Variants in TRAF3IP1 observed in about 807,000 individuals in gnomAD.
The protein encoded by TRAF3IP1 is TRAF3-interacting protein 1.
Under a neutral mutation model 89.9 loss-of-function variants are expected in TRAF3IP1, and 53 were observed. That is an observed-to-expected ratio of 0.59 (90% CI 0.47 to 0.74). The LOEUF is 0.74. Ranked by LOEUF, TRAF3IP1 falls within the 30% of genes least tolerant of loss-of-function variation. TRAF3IP1 has a pLI of 0.00. For synonymous variants in TRAF3IP1, 311 were observed against 322.1 expected, an observed-to-expected ratio of 0.97 and a Z score of 0.37; for missense variants, 806 against 866.1, an observed-to-expected ratio of 0.93 and a Z score of 0.87.
At chr2:238,384,037 T>A (rs989238078) in intron 15 of TRAF3IP1, among the ~76,000 whole-genome samples, 1 of 152,192 alleles carries the variant, frequency 6.6e-6, no homozygotes, top group Non-Finnish European at 1.5e-5. Flanking sequence ...TCCACTGGCT[T>A]GTTCTCTGAT....
rs1045735461 is a variant in TRAF3IP1, at chr2:238,370,197, ATG to A, written c.1689+14123_1689+14124del. Among the ~76,000 whole-genome samples, 7 of 151,712 alleles carry A rather than the reference ATG, an allele frequency of 4.6e-5. 1 individual carries two copies. The highest frequency in any genetic ancestry group is 9.7e-5 in the African/African-American group (4 of 41,222). ...TATGCGTGTGTGCATGTCTGTATGT[ATG>A]TGTGTATATATGTGAACGTGTATGT... is the stretch of plus-strand genomic sequence containing the variant. On this transcript the variant is annotated intron_variant, in intron 15 of 16. Transcript: ENST00000373327.
At chr2:238,367,854 CCA>C (rs1699950332) in intron 15 of TRAF3IP1, among the ~76,000 whole-genome samples, 1 of 152,200 alleles carries the variant, frequency 6.6e-6, no homozygotes, top group Non-Finnish European at 1.5e-5. Flanking sequence ...CCAGCATGCC[CCA>C]GGCCCGGAGC....
rs1051516981 is a variant in TRAF3IP1, at chr2:238,400,802, A to G, written c.*1883A>G. ...CCAAAAATTGCATACATTGTATGTA[A>G]GTAAAATTTTTTATGAAGTAGTCTG... On this transcript the variant is annotated 3_prime_UTR_variant, in exon 17 of 17. Transcript: ENST00000373327. 1 of 152,250 alleles carries G rather than the reference A, an allele frequency of 6.6e-6. No individual in the cohort carries two copies. The highest frequency in any genetic ancestry group is 1.5e-5 in the Non-Finnish European group (1 of 68,042). The allele number at this position is 152,250 out of a possible 1,614,324, so 9.4% of individuals were successfully genotyped here. A position where few individuals can be genotyped will look rare whatever the true frequency, so the allele number is the denominator to read the frequency against.
At chr2:238,342,120 C>T (rs1368113946) in intron 8 of TRAF3IP1, among the ~76,000 whole-genome samples, 1 of 152,088 alleles carries the variant, frequency 6.6e-6, no homozygotes, top group African/African-American at 2.4e-5. Flanking sequence ...TCCTGAGTAG[C>T]TGGGATTACA....
chr2:238,357,758 A>G (rs984157168), intron 15 of TRAF3IP1, among the ~76,000 whole-genome samples: 1 of 152,198 alleles, frequency 6.6e-6, no homozygotes, highest in Admixed American at 6.5e-5. Flanking sequence ...AAAACCCTGA[A>G]TGTGTCCCTC....
intron 10 of TRAF3IP1, 121 bp from the exon 11 acceptor site, chr2:238,348,643 T>A: frequency 1.2e-6 from 1 of 806,518 alleles, no homozygotes; most frequent in South Asian, 1.7e-5. Flanking sequence ...CTCATTTGTA[T>A]TTGCAATTAC....
chr2:238,360,359 G>T (rs955967069), intron 15 of TRAF3IP1, among the ~76,000 whole-genome samples: 3 of 152,150 alleles, frequency 2.0e-5, no homozygotes, highest in African/African-American at 7.2e-5. Flanking sequence ...GGGTGCTATG[G>T]CTCACACCTG....
At chr2:238,349,523 T>A in intron 12 of TRAF3IP1, 115 bp downstream of exon 12, 1 of 1,067,996 alleles carries the variant, frequency 9.4e-7, no homozygotes, top group Admixed American at 2.2e-5. Flanking sequence ...AACATGCTAT[T>A]GAGGAACAAA....
chr2:238,327,580 G>A (rs1574891706), intron 3 of TRAF3IP1, among the ~76,000 whole-genome samples: 1 of 152,086 alleles, frequency 6.6e-6, no homozygotes, highest in East Asian at 1.9e-4. Flanking sequence ...TTTTATTATT[G>A]TGTTAAAGTC....
intron 15 of TRAF3IP1, among the ~76,000 whole-genome samples, chr2:238,393,880 C>T (rs974191501): frequency 6.6e-6 from 1 of 152,176 alleles, no homozygotes; most frequent in African/African-American, 2.4e-5. Flanking sequence ...GTCAATACTG[C>T]ACTGTCTTGA....
Position 238,351,864 on chromosome 2 carries a change from T to TGC in TRAF3IP1, c.1452-962_1452-961insCG, listed in dbSNP as rs1247267370. On this transcript the variant is annotated intron_variant, in intron 12 of 16. Coordinates refer to ENST00000373327, the MANE Select transcript of TRAF3IP1 (RefSeq NM_015650.4). This position sits in a 1 kb window ranked among gnomAD's most constrained non-coding sequence, Gnocchi z 5.2. ...GTGTGTGTGTGTGTGTGTGTGTGTG[T>TGC]GTGCGCGCGCGCGCGTGTGCGTGCA... is the stretch of plus-strand genomic sequence containing the variant. 0.019 allele frequency among the ~76,000 whole-genome samples: 2,175 copies of TGC among 112,190 alleles called. 20 individuals are homozygous for TGC. Among genetic ancestry groups the TGC allele is most frequent in the Non-Finnish European group, 0.024 (1,354 of 56,686 alleles). 73.6% of individuals were successfully genotyped at this position (112,190 alleles called of 152,430 possible).
Position 238,351,852 on chromosome 2 carries a change from TGTGTGTGTGTGTGTGC to T in TRAF3IP1, c.1452-973_1452-958del, listed in dbSNP as rs753655563. On this transcript the variant is annotated intron_variant, in intron 12 of 16. Transcript: ENST00000373327. The surrounding 1 kb of genome is among the most constrained non-coding windows in gnomAD (Gnocchi z 5.2). The stretch of plus-strand genomic sequence containing the variant: ...GGATTTTGGTGTGTGTGTGTGTGTG[TGTGTGTGTGTGTGTGC>T]GCGCGCGCGCGTGTGCGTGCATGTG... Among the ~76,000 whole-genome samples, 10 of 116,084 alleles carry T rather than the reference TGTGTGTGTGTGTGTGC, an allele frequency of 8.6e-5. No individual in the cohort carries two copies. Among genetic ancestry groups the T allele is most frequent in the South Asian group, 8.1e-4 (3 of 3,718 alleles). The allele number at this position is 116,084 out of a possible 152,430, so 76.2% of individuals were successfully genotyped here. A position where few individuals can be genotyped will look rare whatever the true frequency, so the allele number is the denominator to read the frequency against.
intron 15 of TRAF3IP1, among the ~76,000 whole-genome samples, chr2:238,359,689 T>C (rs1699577521): frequency 6.6e-6 from 1 of 152,226 alleles, no homozygotes; most frequent in South Asian, 2.1e-4. Context: ...TGAACATTAA[T>C]GTTCAAGTCT....
At chr2:238,393,965 G>A (rs1011446925) in intron 15 of TRAF3IP1, among the ~76,000 whole-genome samples, 1 of 152,200 alleles carries the variant, frequency 6.6e-6, no homozygotes, top group African/African-American at 2.4e-5. Context: ...TTGGGAGGCC[G>A]AGATGGGAGG....
chr2:238,335,137 A>T (rs1698323633), intron 7 of TRAF3IP1, among the ~76,000 whole-genome samples: 1 of 152,110 alleles, frequency 6.6e-6, no homozygotes, highest in Admixed American at 6.5e-5. Context: ...TGTTTCTACT[A>T]ATTATATTTG....
rs1461337049 is a variant in TRAF3IP1 at position 238,379,011 on chromosome 2, G to A, written c.1690-18448G>A. Among the ~76,000 whole-genome samples the A allele has an allele frequency of 1.3e-5, 2 of 152,144 alleles. No individual in the cohort carries two copies. The highest frequency in any genetic ancestry group is 1.9e-4 in the East Asian group (1 of 5,176). ...GTGCCCTCTGTGGGACTCAGCGTTCGGTCCCCACCTCAGGCAGCCTGGCGC... is the reference window on the plus strand; with the variant it reads ...GTGCCCTCTGTGGGACTCAGCGTTCAGTCCCCACCTCAGGCAGCCTGGCGC... On this transcript the variant is annotated intron_variant, in intron 15 of 16. Coordinates refer to ENST00000373327, the MANE Select transcript of TRAF3IP1 (RefSeq NM_015650.4). The surrounding 1 kb of genome is among the most constrained non-coding windows in gnomAD (Gnocchi z 4.0).
intron 8 of TRAF3IP1, among the ~76,000 whole-genome samples, chr2:238,342,282 C>G (rs1698697729): frequency 6.6e-6 from 1 of 152,148 alleles, no homozygotes; most frequent in African/African-American, 2.4e-5. Flanking sequence ...AGCCACCGCT[C>G]CTGGCCGTCA....
chr2:238,346,592 T>C lies in TRAF3IP1; in HGVS notation c.1262-863T>C, dbSNP rs1425801599. 4.6e-5 allele frequency among the ~76,000 whole-genome samples: 7 copies of C among 152,300 alleles called. No individual in the cohort carries two copies. The East Asian group carries it at 1.4e-3, about 29-fold the overall frequency. On this transcript the variant is annotated intron_variant, in intron 9 of 16. Transcript: ENST00000373327. The stretch of plus-strand genomic sequence containing the variant: ...CCTGTGAATAAACGAGCTAGAGGTG[T>C]CTGTAGAGTGCTCCTCACTCTGCTC...
chr2:238,349,250 C>T (rs968876763), intron 11 of TRAF3IP1, 75 bp from the exon 12 acceptor site: 18 of 1,380,410 alleles, frequency 1.3e-5, no homozygotes, highest in Non-Finnish European at 1.7e-5. Context: ...TAACATTCAC[C>T]TGGGCTTTCT....
Sources: gnomAD v4.1 joint callset for allele counts (sites outside exome capture counted in the v4.1 genomes callset) on GRCh38, gnomAD v4.1.1 for gene constraint, Gnocchi (gnomAD v3.1) non-coding constraint, MANE v1.5 for transcripts, NCBI Gene and HGNC (gene_info 2026-07-23, HGNC 2026-07-21) for gene names.